The following SATB1 variants were observed in gnomAD, a reference collection of about 807,000 sequenced individuals.
SATB1 encodes the protein DNA-binding protein SATB1.
In SATB1, 11 loss-of-function variants were observed where a neutral mutation model predicts 86.9. That is an observed-to-expected ratio of 0.13 (90% CI 0.08 to 0.21). The LOEUF (loss-of-function observed/expected upper bound fraction) is 0.21, where lower values mean the gene tolerates loss of function less well. Ranked by LOEUF, SATB1 falls within the 10% of genes least tolerant of loss-of-function variation. The pLI, the probability that SATB1 is intolerant of heterozygous loss-of-function variation, is 1.00. For missense variants in SATB1, 551 were observed against 937.6 expected (o/e 0.59, Z 5.39); for synonymous variants, 357 against 357.2 (o/e 1.00, Z 0.01).
chr3:18,394,515 G>T lies in SATB1; in HGVS notation c.1153C>A (p.Arg385=). 1 of 1,614,178 alleles carries T rather than the reference G, an allele frequency of 6.2e-7. No homozygotes were observed. Among genetic ancestry groups the T allele is most frequent in the Non-Finnish European group, 8.5e-7 (1 of 1,180,036 alleles). ...IYQWVRDELK[R]AGISQAVFAR... The stretch of plus-strand genomic sequence containing the variant: ...AATACCGCCTGGGAGATTCCTGCTC[G>T]TTTCAGTTCATCGCGTACCCACTGG... The change falls in exon 7 of 11, where the codon CGA becomes AGA. Residue 385 remains arginine, a synonymous_variant. Transcript: ENST00000338745. This position sits in a 1 kb window ranked among gnomAD's most constrained non-coding sequence, Gnocchi z 5.9.
intron 5 of SATB1, among the ~76,000 whole-genome samples, chr3:18,402,419 TC>T (rs1697319090): frequency 6.6e-6 from 1 of 152,192 alleles, no homozygotes; most frequent in South Asian, 2.1e-4. Context: ...TTCTGCCAAA[TC>T]AACCAACCAC....
chr3:18,356,820 T>G (rs921752991), intron 9 of SATB1, among the ~76,000 whole-genome samples: 18 of 151,904 alleles, frequency 1.2e-4, no homozygotes, highest in Non-Finnish European at 2.2e-4. Flanking sequence ...TAAATGAATT[T>G]ATTGTACTTT....
intron 8 of SATB1, among the ~76,000 whole-genome samples, chr3:18,382,140 CA>C (rs1243623831): frequency 2.0e-5 from 3 of 152,038 alleles, no homozygotes; most frequent in African/African-American, 7.2e-5. Flanking sequence ...TGTAAAGAGA[CA>C]AAATAGTGCA....
chr3:18,432,258 C>T (rs561830468), intron 2 of SATB1, among the ~76,000 whole-genome samples: 11 of 152,242 alleles, frequency 7.2e-5, no homozygotes, highest in Admixed American at 4.6e-4. Flanking sequence ...TCAGAAAGCT[C>T]GAGGTAAAAT....
intron 9 of SATB1, among the ~76,000 whole-genome samples, chr3:18,354,525 A>G (rs1295653519): frequency 6.6e-6 from 1 of 152,194 alleles, no homozygotes; most frequent in Non-Finnish European, 1.5e-5. Context: ...AATAAATGCT[A>G]AACATTGAGC....
chr3:18,402,830 T>G (rs1697341252), intron 5 of SATB1, among the ~76,000 whole-genome samples: 1 of 152,046 alleles, frequency 6.6e-6, no homozygotes, highest in Admixed American at 6.6e-5. Flanking sequence ...GTTTAAAGCT[T>G]TCAGGCTCCA....
At chr3:18,353,396 C>T (rs945923525) in intron 9 of SATB1, among the ~76,000 whole-genome samples, 1 of 152,114 alleles carries the variant, frequency 6.6e-6, no homozygotes, top group South Asian at 2.1e-4. Flanking sequence ...CTTCCCTATC[C>T]TCCTCCTTTC....
At chr3:18,392,238 T>C (rs1436074295) in intron 7 of SATB1, among the ~76,000 whole-genome samples, 1 of 152,126 alleles carries the variant, frequency 6.6e-6, no homozygotes, top group Non-Finnish European at 1.5e-5. Flanking sequence ...ACAGAGATGA[T>C]TACCTTTTTC....
In SATB1 at chr3:18,349,375, T is replaced by G; in HGVS notation, c.2087A>C (p.Gln696Pro). 1.2e-6 allele frequency: 2 copies of G among 1,614,190 alleles called. No homozygotes were observed. The highest frequency in any genetic ancestry group is 1.7e-6 in the Non-Finnish European group (2 of 1,180,028). Reference sequence around the variant, plus strand: ...GCCGTGGTGCTTGAGATAGTACCGCTGGTTCTGAAAGAACTTGATGATGGT... The same window carrying G: ...GCCGTGGTGCTTGAGATAGTACCGCGGGTTCTGAAAGAACTTGATGATGGT... ...KYTIIKFFQN[Q>P]RYYLKHHGKL... The change falls in exon 11 of 11, where the codon CAG becomes CCG. Residue 696 changes from glutamine to proline, a missense_variant. By Grantham distance (76) the Gln-to-Pro change is moderately conservative. Coordinates refer to ENST00000338745, the MANE Select transcript of SATB1 (RefSeq NM_002971.6). The surrounding 1 kb of genome is among the most constrained non-coding windows in gnomAD (Gnocchi z 5.5).
chr3:18,410,983 A>G (rs1439047596), intron 5 of SATB1: 1 of 394,884 alleles, frequency 2.5e-6, no homozygotes. Context: ...CAGGAGCACG[A>G]GGTAGTTTCT....
intron 9 of SATB1, among the ~76,000 whole-genome samples, chr3:18,375,523 T>C (rs1695699102): frequency 1.3e-5 from 2 of 152,184 alleles, no homozygotes; most frequent in Non-Finnish European, 2.9e-5. Context: ...TGGCAAGTCC[T>C]GGCACACATC....
chr3:18,411,025 AT>A, intron 5 of SATB1: 1 of 395,050 alleles, frequency 2.5e-6, no homozygotes, highest in Non-Finnish European at 4.5e-6. Flanking sequence ...TAATAAATAA[AT>A]TGTCCAACAT....
intron 7 of SATB1, among the ~76,000 whole-genome samples, chr3:18,392,041 G>C (rs1234018339): frequency 6.6e-6 from 1 of 152,070 alleles, no homozygotes; most frequent in Non-Finnish European, 1.5e-5. Flanking sequence ...TGACTGAAGA[G>C]TATCAATTAT....
intron 6 of SATB1, among the ~76,000 whole-genome samples, chr3:18,396,345 T>C (rs1696964766): frequency 6.6e-6 from 1 of 152,114 alleles, no homozygotes; most frequent in East Asian, 1.9e-4. Context: ...AAACAGGACA[T>C]AATGCCCATT....
intron 9 of SATB1, among the ~76,000 whole-genome samples, chr3:18,370,629 T>C (rs1208861685): frequency 6.7e-6 from 1 of 150,368 alleles, no homozygotes. Context: ...ATTCACCTGC[T>C]AAACAAAAGA....
At chr3:18,361,177 C>A (rs1455408661) in intron 9 of SATB1, among the ~76,000 whole-genome samples, 2 of 152,002 alleles carry the variant, frequency 1.3e-5, no homozygotes, top group East Asian at 3.9e-4. Flanking sequence ...CTTTTAAGAT[C>A]TATTTGTTAA....
rs1193400296 is a variant in SATB1, at chr3:18,346,007, A to G, written c.*3163T>C. On this transcript the variant is annotated 3_prime_UTR_variant, in exon 11 of 11. Transcript: ENST00000338745. ...CACAGATATAGATATCGCTACTTTGAAAAAAATCACTTATTTTAAACTCAG... is the reference window on the plus strand; with the variant it reads ...CACAGATATAGATATCGCTACTTTGGAAAAAATCACTTATTTTAAACTCAG... 1 of 152,028 alleles carries G rather than the reference A, an allele frequency of 6.6e-6. No homozygotes were observed. The highest frequency in any genetic ancestry group is 2.1e-4 in the South Asian group (1 of 4,832). 9.4% of individuals were successfully genotyped at this position (152,028 alleles called of 1,614,324 possible). A position where few individuals can be genotyped will look rare whatever the true frequency, so the allele number is the denominator to read the frequency against.
intron 9 of SATB1, among the ~76,000 whole-genome samples, chr3:18,370,343 A>T (rs142786124): frequency 6.6e-6 from 1 of 152,104 alleles, no homozygotes; most frequent in East Asian, 1.9e-4. Flanking sequence ...TACATTCTGA[A>T]CTACTTCTTT....
In SATB1 at chr3:18,362,069, T is replaced by C. The variant is rs566058011; in HGVS notation, c.1576-9874A>G. Among the ~76,000 whole-genome samples, 32 of 152,280 alleles carry C rather than the reference T, an allele frequency of 2.1e-4. No homozygotes were observed. In the South Asian group the frequency reaches 6.4e-3, roughly 31 times the overall value. ...TGGCTTTAACTAAAAATCTAACTTT[T>C]CTTGTCTGTCTCTTCCATAACTGAT... is the stretch of plus-strand genomic sequence containing the variant. On this transcript the variant is annotated intron_variant, in intron 9 of 10. Transcript: ENST00000338745.
Sources: gnomAD v4.1 joint callset for allele counts (sites outside exome capture counted in the v4.1 genomes callset) on GRCh38, gnomAD v4.1.1 for gene constraint, Gnocchi (gnomAD v3.1) non-coding constraint, MANE v1.5 for transcripts, NCBI Gene and HGNC (gene_info 2026-07-23, HGNC 2026-07-21) for gene names.